HDAC7: variants seen among roughly 807,000 people sequenced by gnomAD.
HDAC7 encodes histone deacetylase 7.
A neutral mutation model predicts 115.5 loss-of-function variants in HDAC7; 26 were observed. The ratio of observed to expected loss-of-function variants is 0.23; its 90% CI spans 0.16 to 0.31. The LOEUF is 0.31. Among genes scored for constraint, HDAC7 ranks in the 10% least tolerant of loss-of-function variants. The pLI, the probability that HDAC7 is intolerant of heterozygous loss-of-function variation, is 1.00. For missense variants in HDAC7, 1,068 were observed against 1,329.0 expected, an observed-to-expected ratio of 0.80 and a Z score of 3.05; for synonymous variants, 564 against 550.9, an observed-to-expected ratio of 1.02 and a Z score of -0.33.
At chr12:47,817,092 C>T (rs1944871582) in intron 1 of HDAC7, among the ~76,000 whole-genome samples, 1 of 152,216 alleles carries the variant, frequency 6.6e-6, no homozygotes, top group South Asian at 2.1e-4. Context: ...AAGGTTACCA[C>T]AGAAACAGGG....
rs1194883999 is a variant in HDAC7, at chr12:47,787,694, G to C, written c.2453+18C>G. The C allele has an allele frequency of 4.4e-6, 7 of 1,579,892 alleles. No homozygotes were observed. The highest frequency in any genetic ancestry group is 6.0e-6 in the Non-Finnish European group (7 of 1,158,836). On this transcript the variant is annotated intron_variant, in intron 21 of 25. Transcript: ENST00000080059. ...AGGAGAGGGTGGACTTGCCCCTCTG[G>C]GCCCCCAGAGCACGTACCTGAAAGC...
intron 1 of HDAC7, among the ~76,000 whole-genome samples, chr12:47,811,910 T>C (rs1382343625): frequency 6.6e-6 from 1 of 152,250 alleles, no homozygotes; most frequent in Non-Finnish European, 1.5e-5. Context: ...GGCTGAATAA[T>C]GATCATTTCC....
At position 47,803,983 on chromosome 12, in the gene HDAC7, C is replaced by T. The variant is rs371944653; in HGVS notation, c.20-1709G>A. Among the ~76,000 whole-genome samples the T allele has an allele frequency of 2.6e-5, 4 of 152,310 alleles. No homozygotes were observed. The highest frequency in any genetic ancestry group is 1.9e-4 in the East Asian group (1 of 5,172). On this transcript the variant is annotated intron_variant, in intron 1 of 25. Transcript: ENST00000080059. The surrounding 1 kb of genome is among the most constrained non-coding windows in gnomAD (Gnocchi z 4.0). The stretch of plus-strand genomic sequence containing the variant: ...CTGCCTCCTGGGAATTCTGTCCCAC[C>T]TCCCCAGTCCCTACCCAGGGGCTGG...
Position 47,795,969 on chromosome 12 carries a change from CG to C in HDAC7, c.842del (p.Pro281ArgfsTer81). ...RLRLQETSVA[P>X]FALPTVSLLP... The stretch of plus-strand genomic sequence containing the variant: ...GCAAGGACACTGTCGGCAAGGCGAA[CG>C]GGGCCACAGAAGTCTCCTGCAGCCG... On this transcript the variant is annotated frameshift_variant, in exon 9 of 26. Transcript: ENST00000080059. LOFTEE classifies it high-confidence loss of function. The surrounding 1 kb of genome is among the most constrained non-coding windows in gnomAD (Gnocchi z 4.3). 1.9e-6 allele frequency: 3 copies of C among 1,549,932 alleles called. No individual in the cohort carries two copies. The highest frequency in any genetic ancestry group is 2.6e-6 in the Non-Finnish European group (3 of 1,147,346).
At chr12:47,820,772 C>T (rs1255244720), upstream of HDAC7, among the ~76,000 whole-genome samples, 3 of 151,612 alleles carry the variant, frequency 2.0e-5, no homozygotes, top group Admixed American at 6.6e-5. The surrounding 1 kb of genome is among the most constrained non-coding windows in gnomAD (Gnocchi z 4.3). Flanking sequence ...AGCAATGTGC[C>T]CAGTGTCCCC....
intron 1 of HDAC7, among the ~76,000 whole-genome samples, chr12:47,810,505 TG>T (rs1346361171): frequency 6.6e-6 from 1 of 152,204 alleles, no homozygotes; most frequent in East Asian, 1.9e-4. Context: ...TCCCACAAAG[TG>T]TGCTGTGTTC....
chr12:47,814,114 T>G (rs1482680319), intron 1 of HDAC7, among the ~76,000 whole-genome samples: 1 of 152,188 alleles, frequency 6.6e-6, no homozygotes, highest in Non-Finnish European at 1.5e-5. Flanking sequence ...CCCTCTGGTC[T>G]CAGAGTCTCC....
In HDAC7 at chr12:47,795,268, C is replaced by G; in HGVS notation, c.1200G>C (p.Leu400=). ...GTGGGGGAGCGGTGGCACTGGGGGG[C>G]AGGGGCTCTGAGCGAGTCCGGCTCA... ...WPLSRTRSEP[L]PPSATAPPPP... is the part of the protein sequence containing the mutation. The change falls in exon 11 of 26, where the codon CTG becomes CTC. Residue 400 remains leucine (L), a synonymous_variant. Transcript: ENST00000080059. The surrounding 1 kb of genome is among the most constrained non-coding windows in gnomAD (Gnocchi z 4.3). 1 of 1,612,088 alleles carries G rather than the reference C, an allele frequency of 6.2e-7. No individual in the cohort carries two copies. Among genetic ancestry groups the G allele is most frequent in the Middle Eastern group, 1.7e-4 (1 of 6,046 alleles).
At chr12:47,789,463 A>G in intron 18 of HDAC7, 60 bp downstream of exon 18, 1 of 1,594,920 alleles carries the variant, frequency 6.3e-7, no homozygotes, top group East Asian at 2.2e-5. Flanking sequence ...ATGTCCCTGA[A>G]GGAAGTTCCT....
rs1417794590 is a variant in HDAC7 at position 47,791,630 on chromosome 12, G to A, written c.1889C>T (p.Thr630Ile). 2 of 1,611,782 alleles carry A rather than the reference G, an allele frequency of 1.2e-6. No homozygotes were observed. The highest frequency in any genetic ancestry group is 1.7e-6 in the Non-Finnish European group (2 of 1,179,214). The change falls in exon 15 of 26, where the codon ACC becomes ATC. Residue 630 changes from threonine (T) to isoleucine (I), a missense_variant. By Grantham distance (89) the Thr-to-Ile change is moderately conservative. This residue lies in a region of HDAC7 where 618 missense variants were observed against 701.5 expected (regional missense o/e 0.88). Coordinates refer to ENST00000080059, the MANE Select transcript of HDAC7 (RefSeq NM_015401.5). The stretch of plus-strand genomic sequence containing the variant: ...CAGTTTGAGGCGGCTGAGCGGGTTG[G>A]TGCCGTAGAGGAGCACGTGCCGCTC... Reference protein sequence around the residue: ...HSERHVLLYGTNPLSRLKLDN... With the variant: ...HSERHVLLYGINPLSRLKLDN...
At chr12:47,796,423 T>TTTA in intron 7 of HDAC7, 125 bp from the exon 8 acceptor site, 35 of 572,186 alleles carry the variant, frequency 6.1e-5, no homozygotes, top group Non-Finnish European at 7.7e-5. Context: ...TGCTTCCTGC[T>TTTA]TTCTTTTTTT....
In HDAC7 at chr12:47,798,033, T is replaced by C; in HGVS notation, c.461+75A>G. The C allele has an allele frequency of 2.9e-6, 3 of 1,019,274 alleles. No homozygotes were observed. 63.1% of individuals were successfully genotyped at this position (1,019,274 alleles called of 1,614,324 possible). ...ACTGGGGAGGAAGGAGGCAAGTGTG[T>C]GTGCTCATGGCTAACACGGGGGCGG... On this transcript the variant is annotated intron_variant, in intron 5 of 25. Coordinates refer to ENST00000080059, the MANE Select transcript of HDAC7 (RefSeq NM_015401.5). The surrounding 1 kb of genome is among the most constrained non-coding windows in gnomAD (Gnocchi z 4.3).
At chr12:47,801,334 G>T (rs1944155290) in intron 2 of HDAC7, among the ~76,000 whole-genome samples, 1 of 152,196 alleles carries the variant, frequency 6.6e-6, no homozygotes, top group Admixed American at 6.5e-5. Context: ...TAGAATCAAT[G>T]AATAAATCAG....
At chr12:47,786,226 TGA>T (rs1304871621) in intron 22 of HDAC7, among the ~76,000 whole-genome samples, 1 of 152,222 alleles carries the variant, frequency 6.6e-6, no homozygotes, top group South Asian at 2.1e-4. Flanking sequence ...CCCTCTATTC[TGA>T]GAGTGCTGCT....
At chr12:47,790,361 C>G (rs1259934535) in intron 16 of HDAC7, 1 of 183,856 alleles carries the variant, frequency 5.4e-6, no homozygotes, top group Non-Finnish European at 1.2e-5. Context: ...CAAACCCAGT[C>G]CCTGGGCCTC....
chr12:47,795,868 G>C lies in HDAC7; in HGVS notation c.906+38C>G. 2 of 1,525,324 alleles carry C rather than the reference G, an allele frequency of 1.3e-6. No homozygotes were observed. Among genetic ancestry groups the C allele is most frequent in the Non-Finnish European group, 1.8e-6 (2 of 1,128,752 alleles). The allele number at this position is 1,525,324 out of a possible 1,614,324, so 94.5% of individuals were successfully genotyped here. A position where few individuals can be genotyped will look rare whatever the true frequency, so the allele number is the denominator to read the frequency against. On this transcript the variant is annotated intron_variant, in intron 9 of 25. Transcript: ENST00000080059. This position sits in a 1 kb window ranked among gnomAD's most constrained non-coding sequence, Gnocchi z 4.3. ...AAGAAAAGGGAGTGAAAGAAGCTGG[G>C]GGGGCTTGGAGTGGGGGTGGGCACC...
Position 47,794,920 on chromosome 12 carries a change from G to A in HDAC7, c.1298C>T (p.Pro433Leu), listed in dbSNP as rs769065890. Reference protein sequence around the residue: ...HVQVIKRSAKPSEKPRLRQIP... With the variant: ...HVQVIKRSAKLSEKPRLRQIP... ...CTGCCGCAGCCGGGGCTTCTCACTC[G>A]GCTTGGCTGACCTCTGGGGAGGGGA... The change falls in exon 12 of 26, where the codon CCG becomes CTG. Residue 433 changes from proline (P) to leucine (L), a missense_variant. Physicochemically the swap from Pro to Leu is moderately conservative, Grantham distance 98. This residue lies in a region of HDAC7 where 618 missense variants were observed against 701.5 expected (regional missense o/e 0.88). Transcript: ENST00000080059. 4.4e-5 allele frequency: 71 copies of A among 1,612,218 alleles called. 1 individual carries two copies. Among genetic ancestry groups the A allele is most frequent in the Non-Finnish European group, 5.8e-5 (68 of 1,179,550 alleles).
intron 21 of HDAC7, 61 bp downstream of exon 21, chr12:47,787,651 G>T: frequency 8.3e-7 from 1 of 1,204,724 alleles, no homozygotes. Flanking sequence ...CCCCCCTGGT[G>T]CTCTTGGGAG....
At chr12:47,789,722 T>A in intron 17 of HDAC7, 91 bp downstream of exon 17, 1 of 1,356,924 alleles carries the variant, frequency 7.4e-7, no homozygotes, top group Non-Finnish European at 1.1e-6. Context: ...CTAAGAGGAA[T>A]GCGATGCCTG....
Sources: gnomAD v4.1 joint callset for allele counts (sites outside exome capture counted in the v4.1 genomes callset) on GRCh38, gnomAD v4.1.1 for gene constraint, gnomAD v4.1.1 regional missense constraint, Gnocchi (gnomAD v3.1) non-coding constraint, MANE v1.5 for transcripts, NCBI Gene and HGNC (gene_info 2026-07-23, HGNC 2026-07-21) for gene names.